CEP57L1: variants seen among roughly 807,000 people sequenced by gnomAD.
CEP57L1 encodes centrosomal protein CEP57L1.
CEP57L1 carries 37 observed loss-of-function variants against 61.0 expected under a neutral mutation model. The observed-to-expected ratio is 0.61, with a 90% CI of 0.47 to 0.80. The LOEUF (loss-of-function observed/expected upper bound fraction) is 0.80. Ranked by LOEUF, CEP57L1 falls within the 30% of genes least tolerant of loss-of-function variation. The probability of loss-of-function intolerance (pLI) is 0.00; values close to 1 mark genes in which losing one functional copy is unlikely to be tolerated. For missense variants in CEP57L1, 422 were observed against 524.7 expected, an observed-to-expected ratio of 0.80 and a Z score of 1.91; for synonymous variants, 137 against 162.3, an observed-to-expected ratio of 0.84 and a Z score of 1.19.
chr6:109,134,241 T>G (rs1227469973), intron 1 of CEP57L1, among the ~76,000 whole-genome samples: 1 of 152,084 alleles, frequency 6.6e-6, no homozygotes, highest in Non-Finnish European at 1.5e-5. Context: ...ATCCCTGGGA[T>G]GCAAGGCTGG....
chr6:109,172,215 A>G lies in CEP57L1; in HGVS notation c.*9245A>G, dbSNP rs868529347. The stretch of plus-strand genomic sequence containing the variant: ...GACAGACCATAATTCTCTCAGCAAC[A>G]ATGTGTGACAACATTCTTGGAGAAT... On this transcript the variant is annotated 3_prime_UTR_variant, in exon 11 of 11. Transcript: ENST00000517392. Among the ~76,000 whole-genome samples the G allele has an allele frequency of 6.6e-6, 1 of 152,162 alleles. No individual in the cohort carries two copies. The highest frequency in any genetic ancestry group is 1.5e-5 in the Non-Finnish European group (1 of 68,018).
In CEP57L1 at chr6:109,164,789, A is replaced by G. The variant is rs1430157972; in HGVS notation, c.*1819A>G. 1.3e-5 allele frequency among the ~76,000 whole-genome samples: 2 copies of G among 152,166 alleles called. No homozygotes were observed. Among genetic ancestry groups the G allele is most frequent in the Admixed American group, 1.3e-4 (2 of 15,252 alleles). Reference sequence around the variant, plus strand: ...ATTGCTTTAAAAATTATCATTAAAAATTTAAAAACCGTCCAGGCGCGGTGG... The same window carrying G: ...ATTGCTTTAAAAATTATCATTAAAAGTTTAAAAACCGTCCAGGCGCGGTGG... On this transcript the variant is annotated 3_prime_UTR_variant, in exon 11 of 11. Transcript: ENST00000517392.
chr6:109,102,466 CT>C (rs1375435114), intron 1 of CEP57L1, among the ~76,000 whole-genome samples: 1 of 152,156 alleles, frequency 6.6e-6, no homozygotes, highest in Non-Finnish European at 1.5e-5. Context: ...TCTGTTCATT[CT>C]TTAATAGTGT....
rs1479301376 is a variant in CEP57L1, at chr6:109,159,560, C to T, written c.1016+98C>T. 4.4e-5 allele frequency: 50 copies of T among 1,124,266 alleles called. 1 individual carries two copies. The highest frequency in any genetic ancestry group is 2.7e-4 in the South Asian group (17 of 63,794). 69.6% of individuals were successfully genotyped at this position (1,124,266 alleles called of 1,614,324 possible). ...CTGGTTTCAGGCAATCCTCCTGCCT[C>T]GGCCTCCCAAAGTGCTAGGATTACA... On this transcript the variant is annotated intron_variant, in intron 9 of 10. Transcript: ENST00000517392.
intron 1 of CEP57L1, among the ~76,000 whole-genome samples, chr6:109,135,436 T>C (rs1424905413): frequency 1.3e-5 from 2 of 152,160 alleles, no homozygotes; most frequent in Non-Finnish European, 2.9e-5. Context: ...AAGACTTAAA[T>C]GTTAGACCTA....
In CEP57L1 at chr6:109,163,730, G is replaced by A. The variant is rs1773910939; in HGVS notation, c.*760G>A. On this transcript the variant is annotated 3_prime_UTR_variant, in exon 11 of 11. Coordinates refer to ENST00000517392, the MANE Select transcript of CEP57L1 (RefSeq NM_001271852.3). ...TGAATTTCTAGGACCCACAAAAGTG[G>A]TATTTTTTTTTTGTACAAGAAAGTA... 6 of 151,830 alleles carry A rather than the reference G, an allele frequency of 4.0e-5. No individual in the cohort carries two copies. The highest frequency in any genetic ancestry group is 3.9e-4 in the Admixed American group (6 of 15,216). 9.4% of individuals were successfully genotyped at this position (151,830 alleles called of 1,614,324 possible).
intron 1 of CEP57L1, among the ~76,000 whole-genome samples, chr6:109,138,788 T>TC (rs965068666): frequency 6.6e-6 from 1 of 152,152 alleles, no homozygotes; most frequent in African/African-American, 2.4e-5. Context: ...CATACAATAG[T>TC]CCCCCCTTGT....
At position 109,150,108 on chromosome 6, in the gene CEP57L1, T is replaced by C. The variant is rs758930024; in HGVS notation, c.341-10T>C. 6.5e-7 allele frequency: 1 copy of C among 1,545,646 alleles called. No individual in the cohort carries two copies. Among genetic ancestry groups the C allele is most frequent in the African/African-American group, 1.4e-5 (1 of 73,144 alleles). ...CCTCTTTTCCTAATTGAATACCCTT[T>C]ATTTCATAGATATAAGTATACAGTT... On this transcript the variant is annotated splice_polypyrimidine_tract_variant and intron_variant, in intron 3 of 10. Coordinates refer to ENST00000517392, the MANE Select transcript of CEP57L1 (RefSeq NM_001271852.3).
Position 109,167,681 on chromosome 6 carries a change from C to CAAA in CEP57L1, c.*4720_*4722dup, listed in dbSNP as rs573024481. On this transcript the variant is annotated 3_prime_UTR_variant, in exon 11 of 11. Coordinates refer to ENST00000517392, the MANE Select transcript of CEP57L1 (RefSeq NM_001271852.3). ...AACAGAGCAAGACTCTGCCTCAAAGCAAAAAAAAAAAGAAAAGAAAAGAAA... is the reference window on the plus strand; with the variant it reads ...AACAGAGCAAGACTCTGCCTCAAAGCAAAAAAAAAAAAAAGAAAAGAAAAGAAA... 3.2e-4 allele frequency among the ~76,000 whole-genome samples: 41 copies of CAAA among 127,180 alleles called. No homozygotes were observed. The highest frequency in any genetic ancestry group is 1.2e-3 in the African/African-American group (39 of 33,706). The allele number at this position is 127,180 out of a possible 152,430, so 83.4% of individuals were successfully genotyped here. A position where few individuals can be genotyped will look rare whatever the true frequency, so the allele number is the denominator to read the frequency against.
At position 109,159,413 on chromosome 6, in the gene CEP57L1, T is replaced by G; in HGVS notation, c.967T>G (p.Leu323Val). Residue 323 changes from leucine (L) to valine (V), a missense_variant, in exon 9 of 11, where the codon TTA becomes GTA. Coordinates refer to ENST00000517392, the MANE Select transcript of CEP57L1 (RefSeq NM_001271852.3). ...AAAGTCCATTTCCATTTGTGACAATTTATCTGAACTTTTGATGGCAATGCA... is the reference window on the plus strand; with the variant it reads ...AAAGTCCATTTCCATTTGTGACAATGTATCTGAACTTTTGATGGCAATGCA... ...SEKSISICDNLSELLMAMQDE... is the reference protein window; with the variant it reads ...SEKSISICDNVSELLMAMQDE... 1.2e-6 allele frequency: 2 copies of G among 1,613,898 alleles called. No individual in the cohort carries two copies. Among genetic ancestry groups the G allele is most frequent in the Non-Finnish European group, 1.7e-6 (2 of 1,179,838 alleles).
chr6:109,111,384 C>T lies in CEP57L1; in HGVS notation c.-4+15809C>T, dbSNP rs182505095. Among the ~76,000 whole-genome samples, 466 of 152,238 alleles carry T rather than the reference C, an allele frequency of 3.1e-3. 2 individuals are homozygous for T. The highest frequency in any genetic ancestry group is 4.3e-3 in the Non-Finnish European group (291 of 68,026). ...TGTGCATTGATTTTGTATCCTGAGA[C>T]TTTGCTGAAGTTGCTTATCAGCTTA... On this transcript the variant is annotated intron_variant, in intron 1 of 10. Coordinates refer to ENST00000517392, the MANE Select transcript of CEP57L1 (RefSeq NM_001271852.3).
At chr6:109,155,768 A>G in intron 6 of CEP57L1, 23 bp from the exon 7 acceptor site, 1 of 1,224,928 alleles carries the variant, frequency 8.2e-7, no homozygotes, top group Non-Finnish European at 1.2e-6. Context: ...TCAATGTTAT[A>G]ACCTTTTTTT....
chr6:109,159,650 T>C (rs1773554549), intron 9 of CEP57L1, among the ~76,000 whole-genome samples, 188 bp downstream of exon 9: 1 of 152,128 alleles, frequency 6.6e-6, no homozygotes. Context: ...ATATCACTTT[T>C]TCTTCTTAGT....
intron 1 of CEP57L1, among the ~76,000 whole-genome samples, chr6:109,121,384 G>T (rs1300639535): frequency 2.0e-5 from 3 of 152,106 alleles, no homozygotes; most frequent in Non-Finnish European, 4.4e-5. Flanking sequence ...ATGTATGTTT[G>T]AATTAAGAAA....
chr6:109,115,628 A>G (rs1389314397), intron 1 of CEP57L1, among the ~76,000 whole-genome samples: 2 of 152,200 alleles, frequency 1.3e-5, no homozygotes, highest in Non-Finnish European at 2.9e-5. Context: ...GAAGCCAAGT[A>G]TAAAGAAAAA....
intron 1 of CEP57L1, 131 bp downstream of exon 1, chr6:109,095,706 CGTGGGAAGGACTAG>C: frequency 2.2e-6 from 1 of 463,678 alleles, no homozygotes; most frequent in Non-Finnish European, 2.8e-6. Flanking sequence ...CAGTGACTTG[CGTGGGAAGGACTAG>C]TCCAGCTGCC....
At chr6:109,138,757 A>G (rs1771018538) in intron 1 of CEP57L1, among the ~76,000 whole-genome samples, 1 of 152,218 alleles carries the variant, frequency 6.6e-6, no homozygotes, top group South Asian at 2.1e-4. Flanking sequence ...TATCAAATAC[A>G]TATTTTGCTT....
In CEP57L1 at chr6:109,149,433, A is replaced by C. The variant is rs550255184; in HGVS notation, c.341-685A>C. Among the ~76,000 whole-genome samples, 46 of 152,250 alleles carry C rather than the reference A, an allele frequency of 3.0e-4. No homozygotes were observed. In the East Asian group the frequency reaches 8.9e-3, roughly 29 times the overall value. ...TGTCAAAGATCAGATGGTTGTAGAT[A>C]TGCGGCATTATTTCTGAGGGCTCTG... On this transcript the variant is annotated intron_variant, in intron 3 of 10. Coordinates refer to ENST00000517392, the MANE Select transcript of CEP57L1 (RefSeq NM_001271852.3).
At chr6:109,141,622 T>C (rs1338463132) in intron 1 of CEP57L1, among the ~76,000 whole-genome samples, 1 of 152,002 alleles carries the variant, frequency 6.6e-6, no homozygotes, top group Non-Finnish European at 1.5e-5. Flanking sequence ...TTGGTGATTT[T>C]ATATTATAAA....
Sources: gnomAD v4.1 joint callset for allele counts (sites outside exome capture counted in the v4.1 genomes callset) on GRCh38, gnomAD v4.1.1 for gene constraint, MANE v1.5 for transcripts, NCBI Gene and HGNC (gene_info 2026-07-23, HGNC 2026-07-21) for gene names.